Variants in IQCJ observed in about 807,000 individuals in gnomAD.
The protein encoded by IQCJ is IQ domain-containing protein J.
IQCJ carries 9 observed loss-of-function variants against 11.0 expected under a neutral mutation model. That is an observed-to-expected ratio of 0.82 (90% CI 0.49 to 1.43). IQCJ has a LOEUF of 1.43. Ranked by LOEUF, IQCJ falls within the 40% of genes most tolerant of loss-of-function variation. The pLI is 0.00. For missense variants in IQCJ, 146 were observed against 133.2 expected (o/e 1.10, Z -0.47); for synonymous variants, 55 against 51.3 (o/e 1.07, Z -0.31).
intron 1 of IQCJ, among the ~76,000 whole-genome samples, chr3:159,141,646 GTTAA>G (rs1285306818): frequency 2.0e-5 from 3 of 152,120 alleles, no homozygotes; most frequent in Admixed American, 1.3e-4. Flanking sequence ...CAAATCTTTT[GTTAA>G]TTAATATCTA....
intron 1 of IQCJ, among the ~76,000 whole-genome samples, chr3:159,204,234 G>T (rs1724519678): frequency 6.6e-6 from 1 of 152,246 alleles, no homozygotes; most frequent in Non-Finnish European, 1.5e-5. Context: ...GCACAGTGGG[G>T]ATAGCTTCTC....
intron 1 of IQCJ, 31 bp from the exon 2 acceptor site, chr3:159,245,812 A>G: frequency 6.6e-7 from 1 of 1,518,512 alleles, no homozygotes; most frequent in Non-Finnish European, 8.9e-7. Flanking sequence ...GCTGGTGACA[A>G]TTTGTAAGAT....
At chr3:159,231,996 T>C (rs1726279197) in intron 1 of IQCJ, among the ~76,000 whole-genome samples, 2 of 152,206 alleles carry the variant, frequency 1.3e-5, no homozygotes, top group Admixed American at 1.3e-4. Context: ...TCATTTTTTA[T>C]TATGTCTATT....
intron 1 of IQCJ, 136 bp from the exon 2 acceptor site, chr3:159,245,707 C>T (rs1466882884): frequency 2.1e-5 from 13 of 605,924 alleles, no homozygotes; most frequent in Non-Finnish European, 3.7e-5. Context: ...CGTGATCCAC[C>T]CGCCTCGGCC....
At chr3:159,213,146 A>T (rs532850173) in intron 1 of IQCJ, among the ~76,000 whole-genome samples, 1 of 152,322 alleles carries the variant, frequency 6.6e-6, no homozygotes, top group African/African-American at 2.4e-5. Context: ...ATCCTCCAGA[A>T]CAGGTAAGAA....
At chr3:159,134,431 T>A (rs924271209) in intron 1 of IQCJ, among the ~76,000 whole-genome samples, 3 of 152,162 alleles carry the variant, frequency 2.0e-5, no homozygotes, top group African/African-American at 7.2e-5. Flanking sequence ...CCAATATTCA[T>A]GGAATCTAAG....
At chr3:159,174,961 C>A (rs188128088) in intron 1 of IQCJ, among the ~76,000 whole-genome samples, 1 of 152,136 alleles carries the variant, frequency 6.6e-6, no homozygotes, top group East Asian at 1.9e-4. Flanking sequence ...TAGATATTGG[C>A]AAGTTGTTAG....
chr3:159,141,611 C>A (rs1720608612), intron 1 of IQCJ, among the ~76,000 whole-genome samples: 1 of 152,148 alleles, frequency 6.6e-6, no homozygotes, highest in Non-Finnish European at 1.5e-5. Context: ...AGTAGAAAGT[C>A]TCTTCAAATA....
chr3:159,223,907 T>C (rs1725693763), intron 1 of IQCJ, among the ~76,000 whole-genome samples: 1 of 152,010 alleles, frequency 6.6e-6, no homozygotes, highest in Non-Finnish European at 1.5e-5. Flanking sequence ...TAGATGTGGG[T>C]CCCATCCCCA....
At chr3:159,227,240 A>G (rs2108136711) in intron 1 of IQCJ, among the ~76,000 whole-genome samples, 1 of 152,362 alleles carries the variant, frequency 6.6e-6, no homozygotes, top group South Asian at 2.1e-4. Flanking sequence ...GGAAATTCAT[A>G]GGTTTGGCCG....
At chr3:159,103,116 T>C (rs568609303) in intron 1 of IQCJ, among the ~76,000 whole-genome samples, 1 of 152,190 alleles carries the variant, frequency 6.6e-6, no homozygotes, top group Non-Finnish European at 1.5e-5. Context: ...TTCAGTTATG[T>C]CTCTGATTCA....
intron 1 of IQCJ, among the ~76,000 whole-genome samples, chr3:159,197,696 A>T (rs150602964): frequency 3.9e-5 from 6 of 152,104 alleles, no homozygotes; most frequent in African/African-American, 1.4e-4. Context: ...CAAGTAGGAG[A>T]GTATGGGGAT....
At chr3:159,265,684 T>C (rs1728457302), downstream of IQCJ, 2 of 258,228 alleles carry the variant, frequency 7.7e-6, no homozygotes, top group Non-Finnish European at 1.5e-5. Flanking sequence ...TCTTCTCATA[T>C]CTGATCAACT....
intron 2 of IQCJ, 29 bp downstream of exon 2, chr3:159,245,936 C>G: frequency 6.8e-7 from 1 of 1,479,200 alleles, no homozygotes; most frequent in East Asian, 2.5e-5. Flanking sequence ...GTTAAATCAT[C>G]TGCAAGGTTG....
chr3:159,111,658 C>G (rs1323626313), intron 1 of IQCJ, among the ~76,000 whole-genome samples: 6 of 152,166 alleles, frequency 3.9e-5, no homozygotes, highest in African/African-American at 1.4e-4. Context: ...CATCACCCCT[C>G]ACATGGTGGA....
chr3:159,191,216 G>A (rs567876459), intron 1 of IQCJ, among the ~76,000 whole-genome samples: 2 of 152,238 alleles, frequency 1.3e-5, no homozygotes, highest in African/African-American at 2.4e-5. Context: ...CTGGCTAGAC[G>A]GAGGCTTCCC....
chr3:159,108,312 A>G (rs141556631), intron 1 of IQCJ, among the ~76,000 whole-genome samples: 1 of 152,108 alleles, frequency 6.6e-6, no homozygotes, highest in Non-Finnish European at 1.5e-5. Flanking sequence ...TTTGTTAATC[A>G]TTCGTTCCTT....
chr3:159,235,758 G>A lies in IQCJ; in HGVS notation c.10-10085G>A, dbSNP rs75619499. Among the ~76,000 whole-genome samples, 455 of 152,230 alleles carry A rather than the reference G, an allele frequency of 3.0e-3. 2 individuals carry two copies. The highest frequency in any genetic ancestry group is 0.01 in the African/African-American group (423 of 41,534). On this transcript the variant is annotated intron_variant, in intron 1 of 3. Coordinates refer to ENST00000397832, the MANE Select transcript of IQCJ (RefSeq NM_001042706.3). ...CTTAGATCGGGTGTTTGACATTTTC[G>A]CATGTGGCAGCAAAAGCTTTTATGT...
At chr3:159,093,069 C>T (rs1219812136) in intron 1 of IQCJ, among the ~76,000 whole-genome samples, 1 of 151,686 alleles carries the variant, frequency 6.6e-6, no homozygotes, top group Admixed American at 6.6e-5. Context: ...CCATTTTTAT[C>T]TGCTTTTTGA....
Sources: allele counts gnomAD v4.1 joint callset (sites outside exome capture counted in the v4.1 genomes callset), GRCh38; gene constraint gnomAD v4.1.1; transcripts MANE v1.5; gene names NCBI Gene and HGNC (gene_info 2026-07-23, HGNC 2026-07-21).